The following PTPRG variants were observed in gnomAD, a reference collection of about 807,000 sequenced individuals.
PTPRG encodes protein tyrosine phosphatase receptor type G, also known as receptor-type tyrosine-protein phosphatase gamma.
PTPRG carries 102 observed loss-of-function variants against 165.3 expected under a neutral mutation model. The ratio of observed to expected loss-of-function variants is 0.62; its 90% confidence interval spans 0.53 to 0.73. PTPRG has a LOEUF of 0.73. PTPRG is among the 30% of genes least tolerant of loss of function. PTPRG has a pLI of 0.00. For missense variants in PTPRG, 1,866 were observed against 1,861.4 expected (o/e 1.00, Z -0.05); for synonymous variants, 675 against 669.5 (o/e 1.01, Z -0.13).
intron 2 of PTPRG, among the ~76,000 whole-genome samples, chr3:61,838,383 G>A (rs2036531272): frequency 6.6e-6 from 1 of 152,136 alleles, no homozygotes; most frequent in African/African-American, 2.4e-5. Flanking sequence ...CCCTTTGAAA[G>A]GTCCCTTTTG....
At chr3:61,819,954 A>T (rs1196413807) in intron 2 of PTPRG, among the ~76,000 whole-genome samples, 1 of 152,146 alleles carries the variant, frequency 6.6e-6, no homozygotes, top group African/African-American at 2.4e-5. Context: ...GATTTTTAGG[A>T]ACGGATCATT....
At chr3:61,982,287 G>C (rs1409325923) in intron 2 of PTPRG, among the ~76,000 whole-genome samples, 1 of 152,156 alleles carries the variant, frequency 6.6e-6, no homozygotes, top group Non-Finnish European at 1.5e-5. Context: ...GTTGAAGCCA[G>C]TTTCCTGTTG....
At position 62,041,637 on chromosome 3, in the gene PTPRG, T is replaced by C. The variant is rs141589898; in HGVS notation, c.520-36526T>C. On this transcript the variant is annotated intron_variant, in intron 4 of 29. Coordinates refer to ENST00000474889, the MANE Select transcript of PTPRG (RefSeq NM_002841.4). ...CCCCTGCCCCCTTCCACATCTGATATTGTGGGAGATTATACAGGATTCAAG... is the reference window on the plus strand; with the variant it reads ...CCCCTGCCCCCTTCCACATCTGATACTGTGGGAGATTATACAGGATTCAAG... 1.8e-3 allele frequency among the ~76,000 whole-genome samples: 269 copies of C among 152,262 alleles called. 4 individuals carry two copies. The highest frequency in any genetic ancestry group is 2.3e-3 in the Non-Finnish European group (154 of 68,018).
chr3:61,693,714 C>G, intron 1 of PTPRG, among the ~76,000 whole-genome samples: 1 of 152,020 alleles, frequency 6.6e-6, no homozygotes, highest in East Asian at 1.9e-4. Flanking sequence ...TTAAGAGAAG[C>G]AAGGCTTTAG....
intron 6 of PTPRG, among the ~76,000 whole-genome samples, chr3:62,134,885 G>A (rs1703648753): frequency 6.6e-6 from 1 of 152,180 alleles, no homozygotes; most frequent in South Asian, 2.1e-4. Flanking sequence ...TAAAGCCCAT[G>A]TGGGTATTGC....
chr3:61,582,515 A>G (rs1162719311), intron 1 of PTPRG, among the ~76,000 whole-genome samples: 3 of 152,154 alleles, frequency 2.0e-5, no homozygotes, highest in African/African-American at 7.2e-5. Flanking sequence ...TGCAGCCAGG[A>G]CGTAGCCTGA....
chr3:62,218,768 A>G, intron 12 of PTPRG, 83 bp from the exon 13 acceptor site: 1 of 1,494,512 alleles, frequency 6.7e-7, no homozygotes, highest in South Asian at 1.3e-5. Flanking sequence ...AAACCACACA[A>G]AACTGGAACA....
rs1425197748 is a variant in PTPRG at position 61,738,293 on chromosome 3, T to C, written c.86-10585T>C. On this transcript the variant is annotated intron_variant, in intron 1 of 29. Transcript: ENST00000474889. The stretch of plus-strand genomic sequence containing the variant: ...ATATATATATACATATATATATATA[T>C]ATATATATATATATATATACATATA... Among the ~76,000 whole-genome samples, 214 of 70,848 alleles carry C rather than the reference T, an allele frequency of 3.0e-3. 20 individuals carry two copies. Among genetic ancestry groups the C allele is most frequent in the African/African-American group, 0.011 (201 of 17,656 alleles). 46.5% of individuals were successfully genotyped at this position (70,848 alleles called of 152,430 possible). A position where few individuals can be genotyped will look rare whatever the true frequency, so the allele number is the denominator to read the frequency against.
At chr3:61,585,118 T>G (rs918061638) in intron 1 of PTPRG, among the ~76,000 whole-genome samples, 1 of 149,470 alleles carries the variant, frequency 6.7e-6, no homozygotes, top group Non-Finnish European at 1.5e-5. Flanking sequence ...CCATCTGTAT[T>G]AAAAATACAA....
intron 1 of PTPRG, among the ~76,000 whole-genome samples, chr3:61,671,218 T>C (rs1281546307): frequency 2.0e-5 from 3 of 147,868 alleles, no homozygotes; most frequent in African/African-American, 7.5e-5. Flanking sequence ...AGGACAATAG[T>C]GGAGGGAAGG....
intron 2 of PTPRG, among the ~76,000 whole-genome samples, chr3:61,976,030 C>G (rs564989274): frequency 6.6e-6 from 1 of 152,062 alleles, no homozygotes; most frequent in African/African-American, 2.4e-5. Context: ...TCTAATATTC[C>G]CCAAGGGAGG....
At chr3:62,062,702 TG>T (rs1700860812) in intron 4 of PTPRG, among the ~76,000 whole-genome samples, 1 of 152,104 alleles carries the variant, frequency 6.6e-6, no homozygotes, top group Non-Finnish European at 1.5e-5. Flanking sequence ...AGGATCTCAT[TG>T]TGTTACTTAG....
chr3:61,575,598 CTTTT>C (rs34363041), intron 1 of PTPRG, among the ~76,000 whole-genome samples: 55 of 117,296 alleles, frequency 4.7e-4, no homozygotes, highest in African/African-American at 1.9e-3. Context: ...GCACACAGAA[CTTTT>C]TTTTTTTTTT....
At chr3:62,102,067 G>A (rs935288653) in intron 5 of PTPRG, among the ~76,000 whole-genome samples, 1 of 151,794 alleles carries the variant, frequency 6.6e-6, no homozygotes, top group Admixed American at 6.6e-5. Flanking sequence ...TTCCCCTATT[G>A]TTACCGTATT....
chr3:61,973,317 G>A (rs1420041208), intron 2 of PTPRG, among the ~76,000 whole-genome samples: 1 of 152,168 alleles, frequency 6.6e-6, no homozygotes, highest in East Asian at 1.9e-4. Flanking sequence ...ATTTTCTCTG[G>A]AATGGGAGTT....
intron 1 of PTPRG, among the ~76,000 whole-genome samples, chr3:61,707,752 G>A (rs972355837): frequency 2.6e-5 from 4 of 152,108 alleles, no homozygotes; most frequent in South Asian, 2.1e-4. Flanking sequence ...AAACTTTACC[G>A]TCATAGTATT....
At chr3:62,246,092 C>G (rs1184366923) in intron 15 of PTPRG, among the ~76,000 whole-genome samples, 1 of 152,136 alleles carries the variant, frequency 6.6e-6, no homozygotes, top group African/African-American at 2.4e-5. Flanking sequence ...TCTCCTAATT[C>G]ATACTCACTA....
At chr3:61,573,882 A>G (rs1418905911) in intron 1 of PTPRG, among the ~76,000 whole-genome samples, 2 of 152,200 alleles carry the variant, frequency 1.3e-5, no homozygotes, top group Non-Finnish European at 2.9e-5. Context: ...TGGTGGTTGA[A>G]GTTTATCTTT....
intron 4 of PTPRG, among the ~76,000 whole-genome samples, chr3:62,021,137 T>C (rs2041680109): frequency 1.3e-5 from 2 of 149,302 alleles, no homozygotes; most frequent in Admixed American, 1.3e-4. Context: ...TGATAAGAGT[T>C]TTTGTGGGAA....
Sources: allele counts gnomAD v4.1 joint callset (sites outside exome capture counted in the v4.1 genomes callset), GRCh38; gene constraint gnomAD v4.1.1; transcripts MANE v1.5; gene names NCBI Gene and HGNC (gene_info 2026-07-23, HGNC 2026-07-21).